Variants in WDR17 observed in about 807,000 individuals in gnomAD.
WDR17 encodes WD repeat-containing protein 17.
In WDR17, 143 loss-of-function variants were observed where a neutral mutation model predicts 161.7. The observed-to-expected ratio is 0.88, with a 90% confidence interval of 0.77 to 1.02. The LOEUF (loss-of-function observed/expected upper bound fraction) is 1.02. WDR17 is among the 50% of genes least tolerant of loss of function. The pLI, the probability that WDR17 is intolerant of heterozygous loss-of-function variation, is 0.00. For synonymous variants in WDR17, 517 were observed against 515.6 expected (o/e 1.00, Z -0.04); for missense variants, 1,469 against 1,520.9 (o/e 0.97, Z 0.57).
chr4:176,108,175 T>G (rs1739112710), intron 1 of WDR17, among the ~76,000 whole-genome samples: 1 of 152,024 alleles, frequency 6.6e-6, no homozygotes, highest in Non-Finnish European at 1.5e-5. Context: ...AATTGTACAC[T>G]TAAAAATGGT....
At chr4:176,115,631 T>C (rs1273565196) in intron 2 of WDR17, among the ~76,000 whole-genome samples, 165 bp from the exon 3 acceptor site, 4 of 151,958 alleles carry the variant, frequency 2.6e-5, no homozygotes, top group South Asian at 4.1e-4. Flanking sequence ...TCAATATTCA[T>C]GAATACACTT....
intron 1 of WDR17, among the ~76,000 whole-genome samples, chr4:176,083,307 A>G (rs1734997676): frequency 6.6e-6 from 1 of 152,270 alleles, no homozygotes; most frequent in South Asian, 2.1e-4. Context: ...GTGCTACACA[A>G]ACATATCATT....
intron 12 of WDR17, among the ~76,000 whole-genome samples, chr4:176,147,013 T>C (rs1288091800): frequency 6.6e-6 from 1 of 151,950 alleles, no homozygotes; most frequent in African/African-American, 2.4e-5. Flanking sequence ...ACTACAGGTG[T>C]GCGCCACCAC....
chr4:176,162,965 A>G (rs555087624), intron 21 of WDR17, among the ~76,000 whole-genome samples, 189 bp from the exon 22 acceptor site: 12 of 152,318 alleles, frequency 7.9e-5, no homozygotes, highest in Admixed American at 2.0e-4. Flanking sequence ...TGTCTCATTA[A>G]TAACTTTTCC....
chr4:176,178,242 A>G (rs1751753021), intron 28 of WDR17, among the ~76,000 whole-genome samples: 1 of 152,182 alleles, frequency 6.6e-6, no homozygotes, highest in Non-Finnish European at 1.5e-5. Context: ...TTTAGTCTCA[A>G]AACATAACCA....
chr4:176,083,204 G>A (rs1734983465), intron 1 of WDR17, among the ~76,000 whole-genome samples: 1 of 152,004 alleles, frequency 6.6e-6, no homozygotes, highest in African/African-American at 2.4e-5. Context: ...AGAACAATTA[G>A]GGATTCTGGC....
chr4:176,159,277 A>G (rs111430100), intron 18 of WDR17, among the ~76,000 whole-genome samples: 52 of 137,236 alleles, frequency 3.8e-4, no homozygotes, highest in Admixed American at 1.5e-3. Flanking sequence ...ACACACATGC[A>G]CACACACACA....
chr4:176,148,364 T>C, intron 13 of WDR17, 29 bp downstream of exon 13: 1 of 1,585,378 alleles, frequency 6.3e-7, no homozygotes, highest in Non-Finnish European at 8.7e-7. Context: ...TTTCATGTAT[T>C]TGTTATATTG....
At chr4:176,174,268 T>A (rs1205854845) in intron 25 of WDR17, among the ~76,000 whole-genome samples, 1 of 152,060 alleles carries the variant, frequency 6.6e-6, no homozygotes, top group African/African-American at 2.4e-5. Context: ...GAAGACGTTC[T>A]TTACTGTGAG....
At chr4:176,177,192 G>A (rs1751570835) in intron 27 of WDR17, 36 bp downstream of exon 27, 1 of 1,550,050 alleles carries the variant, frequency 6.5e-7, no homozygotes, top group Non-Finnish European at 8.9e-7. Flanking sequence ...GAATGCAGAA[G>A]GTATTTGATG....
chr4:176,119,836 T>G, intron 3 of WDR17, 31 bp from the exon 4 acceptor site: 3 of 1,574,514 alleles, frequency 1.9e-6, no homozygotes, highest in Non-Finnish European at 2.6e-6. Context: ...TGCTGTATCT[T>G]TATTATGTAT....
Position 176,139,997 on chromosome 4 carries a change from G to T in WDR17, c.1442+23G>T, listed in dbSNP as rs75570554. 3.0e-3 allele frequency: 4,755 copies of T among 1,560,736 alleles called. 129 individuals are homozygous for T. The African/African-American group carries it at 0.055, about 18-fold the overall frequency. On this transcript the variant is annotated intron_variant, in intron 10 of 28. Coordinates refer to ENST00000508596, the MANE Select transcript of WDR17 (RefSeq NM_181265.4). ...CTGGTAAGTACTATGTATGATACAT[G>T]ATATGAAATTACACTGTTTATAAAG...
chr4:176,130,599 G>T (rs1261623867), intron 6 of WDR17, among the ~76,000 whole-genome samples: 1 of 151,738 alleles, frequency 6.6e-6, no homozygotes, highest in East Asian at 1.9e-4. Flanking sequence ...AAAAAAATTA[G>T]CCGGGCGTGG....
chr4:176,155,345 A>G (rs1421967215), intron 17 of WDR17, among the ~76,000 whole-genome samples: 4 of 151,816 alleles, frequency 2.6e-5, no homozygotes, highest in Middle Eastern at 3.4e-3. Context: ...AGACTTCAAA[A>G]ATTTGTGGAA....
At chr4:176,124,019 C>G (rs1257195986) in intron 4 of WDR17, among the ~76,000 whole-genome samples, 1 of 152,158 alleles carries the variant, frequency 6.6e-6, no homozygotes, top group Non-Finnish European at 1.5e-5. Flanking sequence ...GGGATGAAAA[C>G]CAAACATATA....
chr4:176,103,252 T>C (rs574846599), intron 1 of WDR17, among the ~76,000 whole-genome samples: 7 of 152,156 alleles, frequency 4.6e-5, no homozygotes, highest in Non-Finnish European at 1.0e-4. Context: ...GTAGTCCTTA[T>C]GTTTATACCT....
At chr4:176,178,277 T>C (rs1430382378) in intron 28 of WDR17, among the ~76,000 whole-genome samples, 1 of 152,130 alleles carries the variant, frequency 6.6e-6, no homozygotes, top group Non-Finnish European at 1.5e-5. Flanking sequence ...ACAGGACATA[T>C]AGTTGTATAC....
chr4:176,098,950 G>A (rs1737354314), intron 1 of WDR17, among the ~76,000 whole-genome samples: 1 of 151,516 alleles, frequency 6.6e-6, no homozygotes, highest in South Asian at 2.1e-4. Context: ...TAAGAACAAA[G>A]GTACACCAAA....
intron 1 of WDR17, among the ~76,000 whole-genome samples, chr4:176,096,941 C>A (rs1309309439): frequency 1.3e-5 from 2 of 151,610 alleles, no homozygotes; most frequent in African/African-American, 4.8e-5. Context: ...TTTCATGAAA[C>A]AGAAGATAAA....
Sources: gnomAD v4.1 joint callset for allele counts (sites outside exome capture counted in the v4.1 genomes callset) on GRCh38, gnomAD v4.1.1 for gene constraint, MANE v1.5 for transcripts, NCBI Gene and HGNC (gene_info 2026-07-23, HGNC 2026-07-21) for gene names.